KCNH2: variants seen among roughly 807,000 people sequenced by gnomAD.
KCNH2 encodes the protein voltage-gated inwardly rectifying potassium channel KCNH2.
A neutral mutation model predicts 95.9 loss-of-function variants in KCNH2; 35 were observed. The observed-to-expected ratio is 0.37, with a 90% CI of 0.28 to 0.48. KCNH2 has a LOEUF of 0.48. Among genes scored for constraint, KCNH2 ranks in the 20% least tolerant of loss-of-function variants. The probability of loss-of-function intolerance (pLI) is 0.99; values close to 1 mark genes in which losing one functional copy is unlikely to be tolerated. For missense variants in KCNH2, 1,274 were observed against 1,702.9 expected (o/e 0.75, Z 4.43); for synonymous variants, 786 against 754.7 (o/e 1.04, Z -0.68).
rs1479891216 is a variant in KCNH2, at chr7:150,947,420, G to A, written c.3060C>T (p.Pro1020=). The A allele has an allele frequency of 1.3e-6, 2 of 1,554,206 alleles. No individual in the cohort carries two copies. Among genetic ancestry groups the A allele is most frequent in the South Asian group, 2.4e-5 (2 of 84,422 alleles). ...QELPRCPAPT[P]SLLNIPLSSP... ...TGGAGAGGGGGATGTTGAGGAGGCT[G>A]GGGGTGGGGGCGGGGCATCGAGGGA... The change falls in exon 13 of 15, where the codon CCC becomes CCT. Residue 1020 remains proline (P), a synonymous_variant. Transcript: ENST00000262186.
At chr7:150,976,884 G>T (rs11978792) in intron 1 of KCNH2, among the ~76,000 whole-genome samples, 1 of 150,488 alleles carries the variant, frequency 6.6e-6, no homozygotes, top group African/African-American at 2.5e-5. Flanking sequence ...ACTGACCATC[G>T]GACTGACCCC....
chr7:150,969,618 G>A (rs1801788162), intron 2 of KCNH2, among the ~76,000 whole-genome samples: 2 of 152,214 alleles, frequency 1.3e-5, no homozygotes, highest in South Asian at 4.1e-4. Flanking sequence ...GCAGCACACT[G>A]CCCACCCCAT....
intron 7 of KCNH2, 155 bp downstream of exon 7, chr7:150,951,293 C>T: frequency 8.9e-7 from 1 of 1,119,580 alleles, no homozygotes; most frequent in Non-Finnish European, 1.3e-6. Context: ...AGTCCCCGCC[C>T]TGGTGACCCA....
At chr7:150,967,606 C>T (rs1801739152) in intron 2 of KCNH2, among the ~76,000 whole-genome samples, 1 of 152,182 alleles carries the variant, frequency 6.6e-6, no homozygotes, top group Admixed American at 6.5e-5. Context: ...AAATAAAACT[C>T]GATCCCTACT....
At position 150,945,552 on chromosome 7, in the gene KCNH2, A is replaced by G; in HGVS notation, c.3331-38T>C. Reference sequence around the variant, plus strand: ...CAGAGCATGGGCAGGCGAAGAGGCCATGGAGGAGGAGGAAGGGGAGGGAAA... The same window carrying G: ...CAGAGCATGGGCAGGCGAAGAGGCCGTGGAGGAGGAGGAAGGGGAGGGAAA... On this transcript the variant is annotated intron_variant, in intron 14 of 14. Transcript: ENST00000262186. This position sits in a 1 kb window ranked among gnomAD's most constrained non-coding sequence, Gnocchi z 5.6. 1 of 1,552,272 alleles carries G rather than the reference A, an allele frequency of 6.4e-7. No homozygotes were observed. The highest frequency in any genetic ancestry group is 8.7e-7 in the Non-Finnish European group (1 of 1,147,086).
intron 9 of KCNH2, chr7:150,949,778 G>A: frequency 1.7e-6 from 2 of 1,203,840 alleles, no homozygotes; most frequent in Non-Finnish European, 2.1e-6. Flanking sequence ...TGCTTTGGAT[G>A]TGTCAAGGGG....
intron 2 of KCNH2, among the ~76,000 whole-genome samples, chr7:150,968,362 C>T (rs1005902450): frequency 2.6e-5 from 4 of 152,184 alleles, no homozygotes; most frequent in African/African-American, 4.8e-5. Flanking sequence ...GGGGTCCCTC[C>T]CCGGGAGAGT....
At chr7:150,959,420 G>A in intron 3 of KCNH2, 152 bp downstream of exon 3, 2 of 825,108 alleles carry the variant, frequency 2.4e-6, no homozygotes, top group South Asian at 1.8e-5. Flanking sequence ...ACATCCTCAG[G>A]GTACAGGGTT....
At chr7:150,947,098 G>A (rs75688212) in intron 13 of KCNH2, 44 bp from the exon 14 acceptor site, 7 of 1,406,060 alleles carry the variant, frequency 5.0e-6, no homozygotes, top group African/African-American at 1.4e-5. Flanking sequence ...GGGGACACCA[G>A]TGACAGCCTC....
chr7:150,976,730 A>T (rs919862526), intron 1 of KCNH2, among the ~76,000 whole-genome samples: 6 of 132,448 alleles, frequency 4.5e-5, no homozygotes, highest in African/African-American at 8.6e-5. Context: ...AGAATCCAGC[A>T]CCCCCCCCCA....
At position 150,945,290 on chromosome 7, in the gene KCNH2, C is replaced by A; in HGVS notation, c.*75G>T. On this transcript the variant is annotated 3_prime_UTR_variant, in exon 15 of 15. Coordinates refer to ENST00000262186, the MANE Select transcript of KCNH2 (RefSeq NM_000238.4). This position sits in a 1 kb window ranked among gnomAD's most constrained non-coding sequence, Gnocchi z 5.6. ...CCTTCCACGGTCAGGGCCTCCTGAG[C>A]AGGGCCTCCAAGGGGAGCGGCCCAG... 1 of 1,487,036 alleles carries A rather than the reference C, an allele frequency of 6.7e-7. No individual in the cohort carries two copies. Among genetic ancestry groups the A allele is most frequent in the Non-Finnish European group, 9.1e-7 (1 of 1,101,404 alleles). The allele number at this position is 1,487,036 out of a possible 1,614,324, so 92.1% of individuals were successfully genotyped here. A position where few individuals can be genotyped will look rare whatever the true frequency, so the allele number is the denominator to read the frequency against.
rs2117011201 is a variant in KCNH2 at position 150,959,569 on chromosome 7, T to C, written c.472+3A>G. 6.2e-7 allele frequency: 1 copy of C among 1,613,976 alleles called. No homozygotes were observed. The highest frequency in any genetic ancestry group is 8.5e-7 in the Non-Finnish European group (1 of 1,179,922). Reference sequence around the variant, plus strand: ...GAGCCTGCCCTAAAGCAAGTACACTTACCTGGGGCCAGCCAGCTGGTGGGG... The same window carrying C: ...GAGCCTGCCCTAAAGCAAGTACACTCACCTGGGGCCAGCCAGCTGGTGGGG... On this transcript the variant is annotated splice_donor_region_variant and intron_variant, in intron 3 of 14. Transcript: ENST00000262186.
intron 2 of KCNH2, among the ~76,000 whole-genome samples, chr7:150,963,135 C>T (rs928540952): frequency 1.3e-5 from 2 of 152,232 alleles, no homozygotes; most frequent in African/African-American, 4.8e-5. Context: ...GGCTGCAGTT[C>T]CGCTGAGAGC....
At chr7:150,975,319 A>C (rs781345962) in intron 1 of KCNH2, among the ~76,000 whole-genome samples, 2 of 152,174 alleles carry the variant, frequency 1.3e-5, no homozygotes, top group Non-Finnish European at 2.9e-5. Context: ...GGAGCCTGGG[A>C]AAGGCCAGAG....
chr7:150,973,791 G>A (rs1200785114), intron 2 of KCNH2, among the ~76,000 whole-genome samples: 3 of 152,226 alleles, frequency 2.0e-5, no homozygotes, highest in African/African-American at 7.2e-5. Flanking sequence ...GCTCCCTGAG[G>A]GCAGGAGCCT....
intron 1 of KCNH2, among the ~76,000 whole-genome samples, chr7:150,976,296 G>T (rs41313104): frequency 0.012 from 1,829 of 152,166 alleles, 45 homozygotes; most frequent in African/African-American, 0.041. Flanking sequence ...CACCTTTCTC[G>T]ATTCTCCCTT....
intron 5 of KCNH2, chr7:150,955,992 G>A (rs938606597): frequency 5.0e-5 from 14 of 281,680 alleles, no homozygotes; most frequent in South Asian, 1.3e-4. Flanking sequence ...GCCTGTCACC[G>A]CAGATTAATG....
intron 1 of KCNH2, among the ~76,000 whole-genome samples, chr7:150,975,555 G>A (rs1252406833): frequency 6.6e-6 from 1 of 152,194 alleles, no homozygotes; most frequent in Non-Finnish European, 1.5e-5. Context: ...TGCCAGAGAG[G>A]ATGAGGGAAG....
chr7:150,949,419 T>TC lies in KCNH2; in HGVS notation c.2399-371_2399-370insG, dbSNP rs994540440. ...GAATCAAAACCAGCATTTTTTTTTT[T>TC]TTTTTTTTTTTTTTACTGAAAGAAC... On this transcript the variant is annotated intron_variant, in intron 9 of 14. Coordinates refer to ENST00000262186, the MANE Select transcript of KCNH2 (RefSeq NM_000238.4). The TC allele has an allele frequency of 1.4e-5, 15 of 1,044,348 alleles. No homozygotes were observed. The African/African-American group carries it at 2.5e-4, about 18-fold the overall frequency. The allele number at this position is 1,044,348 out of a possible 1,614,324, so 64.7% of individuals were successfully genotyped here.
Sources: gnomAD v4.1 joint callset for allele counts (sites outside exome capture counted in the v4.1 genomes callset) on GRCh38, gnomAD v4.1.1 for gene constraint, Gnocchi (gnomAD v3.1) non-coding constraint, MANE v1.5 for transcripts, NCBI Gene and HGNC (gene_info 2026-07-23, HGNC 2026-07-21) for gene names.